GHR: variants seen among roughly 807,000 people sequenced by gnomAD.
GHR encodes GH receptor.
GHR carries 35 observed loss-of-function variants against 67.1 expected under a neutral mutation model. That is an observed-to-expected ratio of 0.52 (90% confidence interval 0.40 to 0.69). The LOEUF (loss-of-function observed/expected upper bound fraction) is 0.69, where lower values mean the gene tolerates loss of function less well. GHR is among the 30% of genes least tolerant of loss of function. The pLI is 0.00. For missense variants in GHR, 792 were observed against 764.6 expected (o/e 1.04, Z -0.42); for synonymous variants, 272 against 269.1 (o/e 1.01, Z -0.10).
intron 1 of GHR, among the ~76,000 whole-genome samples, chr5:42,427,484 C>A (rs1324671913): frequency 6.6e-6 from 1 of 152,174 alleles, no homozygotes; most frequent in Non-Finnish European, 1.5e-5. Flanking sequence ...CTACTGGGTC[C>A]CTTCCACCAC....
intron 1 of GHR, among the ~76,000 whole-genome samples, chr5:42,513,496 G>A (rs961846351): frequency 1.3e-5 from 2 of 152,134 alleles, no homozygotes; most frequent in Non-Finnish European, 2.9e-5. Flanking sequence ...CTGATAAAAG[G>A]CTTAGCAGGG....
At chr5:42,464,297 T>C (rs917184918) in intron 1 of GHR, among the ~76,000 whole-genome samples, 7 of 152,204 alleles carry the variant, frequency 4.6e-5, no homozygotes, top group African/African-American at 1.4e-4. Context: ...ACTCAAAAAT[T>C]AGTTTTCTCT....
intron 2 of GHR, among the ~76,000 whole-genome samples, chr5:42,597,037 G>A (rs1219180944): frequency 6.6e-6 from 1 of 152,128 alleles, no homozygotes; most frequent in Non-Finnish European, 1.5e-5. Context: ...GTTTACTCAA[G>A]GCTGATTGAG....
Position 42,630,799 on chromosome 5 carries a change from T to C in GHR, c.136+1696T>C, listed in dbSNP as rs1335491863. Among the ~76,000 whole-genome samples, 2 of 132,416 alleles carry C rather than the reference T, an allele frequency of 1.5e-5. 1 individual carries two copies. Among genetic ancestry groups the C allele is most frequent in the Non-Finnish European group, 3.2e-5 (2 of 62,502 alleles). 86.9% of individuals were successfully genotyped at this position (132,416 alleles called of 152,430 possible). The stretch of plus-strand genomic sequence containing the variant: ...TGTTACTAATGGTACATGCTTCACA[T>C]TGAAACCATCCTCCTGACACAAACA... On this transcript the variant is annotated intron_variant, in intron 3 of 9. Transcript: ENST00000230882.
Position 42,719,401 on chromosome 5 carries a change from CA to C in GHR, c.1896del (p.Gln632HisfsTer2). The C allele has an allele frequency of 6.2e-7, 1 of 1,613,510 alleles. No homozygotes were observed. The highest frequency in any genetic ancestry group is 8.5e-7 in the Non-Finnish European group (1 of 1,179,894). On this transcript the variant is annotated frameshift_variant, in exon 10 of 10. Transcript: ENST00000230882. LOFTEE classifies it high-confidence loss of function. ...ATCATGTGGCTATGTGAGCACAGAC[CA>C]ACTGAACAAAATCATGCCTTAGCCT... ...LSSCGYVSTD[Q>X]LNKIMP is the part of the protein sequence containing the mutation.
intron 1 of GHR, among the ~76,000 whole-genome samples, chr5:42,463,344 A>C (rs931522504): frequency 2.6e-5 from 4 of 152,234 alleles, no homozygotes; most frequent in African/African-American, 9.6e-5. Context: ...TGTTGGCCAT[A>C]TCTTTTAATA....
intron 1 of GHR, among the ~76,000 whole-genome samples, chr5:42,528,614 A>G (rs2112330722): frequency 6.6e-6 from 1 of 152,360 alleles, no homozygotes; most frequent in East Asian, 1.9e-4. Context: ...AGAATATGAC[A>G]TAAACTTAGT....
chr5:42,621,361 G>A (rs916028921), intron 2 of GHR, among the ~76,000 whole-genome samples: 1 of 152,246 alleles, frequency 6.6e-6, no homozygotes, highest in Non-Finnish European at 1.5e-5. Flanking sequence ...TATTATGCTA[G>A]GGACTGCATT....
intron 2 of GHR, among the ~76,000 whole-genome samples, chr5:42,604,300 T>C (rs1042983260): frequency 6.6e-6 from 1 of 152,164 alleles, no homozygotes; most frequent in Non-Finnish European, 1.5e-5. Context: ...GGAAATGTGA[T>C]TGGACAAAAA....
intron 4 of GHR, among the ~76,000 whole-genome samples, chr5:42,689,458 G>A (rs1242430235): frequency 6.6e-6 from 1 of 152,154 alleles, no homozygotes; most frequent in Non-Finnish European, 1.5e-5. Flanking sequence ...GCATGTGGAT[G>A]AGAGTGTGTG....
At chr5:42,681,402 A>C (rs1756862085) in intron 3 of GHR, among the ~76,000 whole-genome samples, 1 of 152,244 alleles carries the variant, frequency 6.6e-6, no homozygotes, top group Non-Finnish European at 1.5e-5. Context: ...TCAAAACCAC[A>C]ATGAGATACC....
chr5:42,642,988 G>T (rs1754554123), intron 3 of GHR, among the ~76,000 whole-genome samples: 1 of 152,116 alleles, frequency 6.6e-6, no homozygotes, highest in Admixed American at 6.5e-5. Context: ...ACTGAATGTA[G>T]AGCCTATCCT....
chr5:42,470,033 A>C, intron 1 of GHR, among the ~76,000 whole-genome samples: 1 of 141,484 alleles, frequency 7.1e-6, no homozygotes, highest in Admixed American at 7.4e-5. Flanking sequence ...TAAATAATAT[A>C]TATATACTAC....
At chr5:42,589,191 T>G (rs1751648428) in intron 2 of GHR, among the ~76,000 whole-genome samples, 2 of 152,206 alleles carry the variant, frequency 1.3e-5, no homozygotes, top group Admixed American at 1.3e-4. Flanking sequence ...ATTCACCATA[T>G]TTAACCTGTT....
intron 1 of GHR, among the ~76,000 whole-genome samples, chr5:42,562,995 T>G (rs1749703821): frequency 6.6e-6 from 1 of 152,102 alleles, no homozygotes; most frequent in East Asian, 1.9e-4. Context: ...GGCAGCTGCT[T>G]TCAAAAGTTT....
intron 1 of GHR, among the ~76,000 whole-genome samples, chr5:42,508,649 C>G (rs945390208): frequency 6.6e-6 from 1 of 152,210 alleles, no homozygotes; most frequent in Non-Finnish European, 1.5e-5. Flanking sequence ...TCTCGGCTCA[C>G]TGCAAGCTGC....
At chr5:42,589,705 A>AT (rs1751673502) in intron 2 of GHR, among the ~76,000 whole-genome samples, 1 of 152,226 alleles carries the variant, frequency 6.6e-6, no homozygotes, top group Non-Finnish European at 1.5e-5. Context: ...TGTGCAACAT[A>AT]TAAGAGGATT....
At chr5:42,503,646 C>A (rs1253825785) in intron 1 of GHR, among the ~76,000 whole-genome samples, 1 of 152,044 alleles carries the variant, frequency 6.6e-6, no homozygotes, top group Admixed American at 6.5e-5. Context: ...TGAAGGGAGA[C>A]CACCTCTAAA....
rs553171642 is a variant in GHR at position 42,575,218 on chromosome 5, A to G, written c.70+9274A>G. Among the ~76,000 whole-genome samples the G allele has an allele frequency of 8.5e-5, 13 of 152,296 alleles. No individual in the cohort carries two copies. The South Asian group carries it at 2.3e-3, about 27-fold the overall frequency. Reference sequence around the variant, plus strand: ...GTAAGAGGCAGTCTCCACACCACCCACATCTGATTCTTGTCTCCTTCTTCT... The same window carrying G: ...GTAAGAGGCAGTCTCCACACCACCCGCATCTGATTCTTGTCTCCTTCTTCT... On this transcript the variant is annotated intron_variant, in intron 2 of 9. Transcript: ENST00000230882.
Sources: gnomAD v4.1 joint callset for allele counts (sites outside exome capture counted in the v4.1 genomes callset) on GRCh38, gnomAD v4.1.1 for gene constraint, MANE v1.5 for transcripts, NCBI Gene and HGNC (gene_info 2026-07-23, HGNC 2026-07-21) for gene names.